Variants in CSMD1 observed in about 807,000 individuals in gnomAD.
CSMD1 encodes CUB and sushi domain-containing protein 1.
CSMD1 carries 213 observed loss-of-function variants against 417.5 expected under a neutral mutation model. That is an observed-to-expected ratio of 0.51 (90% CI 0.46 to 0.57). The LOEUF is 0.57. CSMD1 is among the 20% of genes least tolerant of loss of function. CSMD1 has a pLI of 0.00. For missense variants in CSMD1, 6,923 were observed against 4,529.7 expected (o/e 1.53, Z -15.17); for synonymous variants, 2,862 against 1,736.8 (o/e 1.65, Z -16.11).
At chr8:4,986,780 A>G (rs1310473351) in intron 1 of CSMD1, among the ~76,000 whole-genome samples, 2 of 152,132 alleles carry the variant, frequency 1.3e-5, no homozygotes, top group African/African-American at 2.4e-5. Flanking sequence ...GGCACTGATG[A>G]TAAAGAAGAA....
intron 5 of CSMD1, among the ~76,000 whole-genome samples, chr8:3,791,724 GAA>G (rs1799751242): frequency 6.6e-6 from 1 of 152,134 alleles, no homozygotes; most frequent in African/African-American, 2.4e-5. Flanking sequence ...TCAGGAGGCT[GAA>G]GCAAGAGAAT....
intron 1 of CSMD1, among the ~76,000 whole-genome samples, chr8:4,846,643 A>G (rs1801164113): frequency 6.6e-6 from 1 of 152,246 alleles, no homozygotes. Flanking sequence ...GTAATAGCTA[A>G]GGATGACAAC....
chr8:3,016,691 T>G (rs1000934773), intron 52 of CSMD1, among the ~76,000 whole-genome samples: 1 of 152,364 alleles, frequency 6.6e-6, no homozygotes, highest in South Asian at 2.1e-4. Flanking sequence ...TATTATTCCT[T>G]ATATGCTGTA....
intron 56 of CSMD1, among the ~76,000 whole-genome samples, chr8:2,973,881 ATGGTAGAGGATGATGGTAGAGGATGG>A (rs1804684660): frequency 2.8e-5 from 3 of 108,002 alleles, no homozygotes; most frequent in African/African-American, 1.7e-4. Flanking sequence ...GTAGAGGATG[ATGGTAGAGGATGATGGTAGAGGATGG>A]TGGTAGAGGA....
In CSMD1 at chr8:4,465,182, G is replaced by C. The variant is rs111472126; in HGVS notation, c.303-45117C>G. Among the ~76,000 whole-genome samples the C allele has an allele frequency of 4.7e-3, 715 of 152,288 alleles. 6 individuals are homozygous for C. Among genetic ancestry groups the C allele is most frequent in the Non-Finnish European group, 6.8e-3 (462 of 68,040 alleles). On this transcript the variant is annotated intron_variant, in intron 2 of 69. Transcript: ENST00000635120. ...TCACTTTATGTCACCAGAGGGAATAGGAAGTCCAAACCAGGAGGATGCCAC... is the reference window on the plus strand; with the variant it reads ...TCACTTTATGTCACCAGAGGGAATACGAAGTCCAAACCAGGAGGATGCCAC...
intron 3 of CSMD1, among the ~76,000 whole-genome samples, chr8:4,329,510 A>C (rs915229556): frequency 1.2e-4 from 18 of 152,028 alleles, no homozygotes; most frequent in Non-Finnish European, 2.1e-4. Flanking sequence ...CCAGTCTCAA[A>C]CTCCTGACCT....
intron 4 of CSMD1, among the ~76,000 whole-genome samples, chr8:3,999,464 G>C (rs1383109977): frequency 1.3e-5 from 2 of 152,078 alleles, no homozygotes; most frequent in African/African-American, 4.8e-5. Context: ...GTTTTATTTT[G>C]GCAGGATCTA....
intron 12 of CSMD1, among the ~76,000 whole-genome samples, chr8:3,443,211 G>C (rs1324096405): frequency 6.6e-6 from 1 of 152,132 alleles, no homozygotes; most frequent in African/African-American, 2.4e-5. Flanking sequence ...GGCTATTCAT[G>C]TCAGACTATT....
At chr8:4,811,994 G>A (rs184313224) in intron 1 of CSMD1, among the ~76,000 whole-genome samples, 4 of 152,124 alleles carry the variant, frequency 2.6e-5, no homozygotes, top group East Asian at 3.9e-4. Context: ...ACGAAAGACA[G>A]AAAGTAACAG....
At chr8:3,129,496 CG>C (rs1463367095) in intron 41 of CSMD1, among the ~76,000 whole-genome samples, 1 of 152,144 alleles carries the variant, frequency 6.6e-6, no homozygotes. Context: ...GGAGCTGGGC[CG>C]GGTTCAGTGG....
chr8:3,783,264 T>C (rs1563075151), intron 5 of CSMD1, among the ~76,000 whole-genome samples: 1 of 152,234 alleles, frequency 6.6e-6, no homozygotes, highest in East Asian at 1.9e-4. Flanking sequence ...CCGGAAAAAC[T>C]GGTTTTTTGC....
At chr8:4,210,383 T>A (rs887542560) in intron 3 of CSMD1, among the ~76,000 whole-genome samples, 4 of 152,246 alleles carry the variant, frequency 2.6e-5, no homozygotes, top group Non-Finnish European at 4.4e-5. Context: ...TCCAACTTTT[T>A]CTTCTCAGGA....
chr8:3,415,989 T>G (rs1813120927), intron 12 of CSMD1, among the ~76,000 whole-genome samples: 1 of 152,170 alleles, frequency 6.6e-6, no homozygotes, highest in Admixed American at 6.5e-5. Context: ...CTTTTCACAC[T>G]TGTCAATTCT....
intron 10 of CSMD1, among the ~76,000 whole-genome samples, chr8:3,524,411 GCA>G (rs1326684012): frequency 1.4e-5 from 2 of 142,950 alleles, no homozygotes; most frequent in Non-Finnish European, 3.1e-5. Context: ...CCAGACATAT[GCA>G]CACACAACCA....
chr8:3,206,411 C>T (rs1188516680), intron 30 of CSMD1, among the ~76,000 whole-genome samples: 6 of 89,508 alleles, frequency 6.7e-5, no homozygotes, highest in Non-Finnish European at 1.2e-4. Context: ...GGGGTTATGT[C>T]TGTGTGTGTA....
intron 2 of CSMD1, among the ~76,000 whole-genome samples, chr8:4,501,822 A>G (rs1167368439): frequency 2.0e-5 from 3 of 152,126 alleles, no homozygotes. Flanking sequence ...GGCCTTATTT[A>G]TAAATGAACC....
At chr8:3,270,595 C>G (rs564919544) in intron 26 of CSMD1, among the ~76,000 whole-genome samples, 1 of 152,302 alleles carries the variant, frequency 6.6e-6, no homozygotes, top group South Asian at 2.1e-4. Flanking sequence ...CAGGTCGACA[C>G]AGATGCAGCC....
At chr8:3,817,261 T>C (rs1288117511) in intron 5 of CSMD1, among the ~76,000 whole-genome samples, 5 of 24,612 alleles carry the variant, frequency 2.0e-4, no homozygotes, top group East Asian at 6.4e-4. Flanking sequence ...TCTTTTTTTT[T>C]TTTTTTTTTT....
chr8:3,073,376 G>A (rs1038915466), intron 49 of CSMD1, among the ~76,000 whole-genome samples: 1 of 152,086 alleles, frequency 6.6e-6, no homozygotes, highest in African/African-American at 2.4e-5. Flanking sequence ...ACCCAGCAAA[G>A]TATTTAATAA....
Sources: allele counts gnomAD v4.1 joint callset (sites outside exome capture counted in the v4.1 genomes callset), GRCh38; gene constraint gnomAD v4.1.1; transcripts MANE v1.5; gene names NCBI Gene and HGNC (gene_info 2026-07-23, HGNC 2026-07-21).